PTGES3: variants seen among roughly 807,000 people sequenced by gnomAD.
PTGES3 encodes Hsp90 co-chaperone.
PTGES3 carries 5 observed loss-of-function variants against 29.9 expected under a neutral mutation model. That is an observed-to-expected ratio of 0.17 (90% confidence interval 0.09 to 0.35). PTGES3 has a LOEUF of 0.35. Among genes scored for constraint, PTGES3 ranks in the 10% least tolerant of loss-of-function variants. PTGES3 has a pLI of 1.00. For synonymous variants in PTGES3, 49 were observed against 57.8 expected (o/e 0.85, Z 0.69); for missense variants, 128 against 190.0 (o/e 0.67, Z 1.92).
Position 56,688,073 on chromosome 12 carries a change from T to C in PTGES3, c.-74A>G, listed in dbSNP as rs1952972426. 1 of 1,445,612 alleles carries C rather than the reference T, an allele frequency of 6.9e-7. No individual in the cohort carries two copies. The highest frequency in any genetic ancestry group is 9.1e-7 in the Non-Finnish European group (1 of 1,097,160). The allele number at this position is 1,445,612 out of a possible 1,614,324, so 89.5% of individuals were successfully genotyped here. A position where few individuals can be genotyped will look rare whatever the true frequency, so the allele number is the denominator to read the frequency against. Reference sequence around the variant, plus strand: ...CGGCGGCTGCTGCTAGGGAGTCGACTTCTCTCCGGTGGCGACTCCGCTTTT... The same window carrying C: ...CGGCGGCTGCTGCTAGGGAGTCGACCTCTCTCCGGTGGCGACTCCGCTTTT... On this transcript the variant is annotated 5_prime_UTR_variant, in exon 1 of 8. Coordinates refer to ENST00000262033, the MANE Select transcript of PTGES3 (RefSeq NM_006601.7).
intron 7 of PTGES3, 90 bp from the exon 8 acceptor site, chr12:56,664,588 A>T: frequency 6.9e-7 from 1 of 1,439,730 alleles, no homozygotes; most frequent in Non-Finnish European, 9.5e-7. Context: ...CAAAAATCGA[A>T]ATACATAGTT....
chr12:56,671,371 C>G (rs1951998679), intron 4 of PTGES3, among the ~76,000 whole-genome samples: 1 of 152,092 alleles, frequency 6.6e-6, no homozygotes. Flanking sequence ...TGCACTCCAG[C>G]CTGGGTGACA....
At position 56,670,262 on chromosome 12, in the gene PTGES3, T is replaced by A. The variant is rs752547963; in HGVS notation, c.375+13A>T. The A allele has an allele frequency of 6.3e-7, 1 of 1,581,924 alleles. No individual in the cohort carries two copies. The highest frequency in any genetic ancestry group is 8.7e-7 in the Non-Finnish European group (1 of 1,151,540). On this transcript the variant is annotated intron_variant, in intron 5 of 7. Transcript: ENST00000262033. Reference sequence around the variant, plus strand: ...TGCTTCGAATGGGGAGAGGTCCATTTAAAGGAACTTACCTCAGAGAAACGA... The same window carrying A: ...TGCTTCGAATGGGGAGAGGTCCATTAAAAGGAACTTACCTCAGAGAAACGA...
Position 56,688,223 on chromosome 12 carries a change from G to C in PTGES3, c.-224C>G. On this transcript the variant is annotated 5_prime_UTR_variant, in exon 1 of 8. Transcript: ENST00000262033. ...CTCCGGTCGGGGAGAAGAGGAAAGTGTAGGAAAAGGGGCGCGAGGACGGAG... is the reference window on the plus strand; with the variant it reads ...CTCCGGTCGGGGAGAAGAGGAAAGTCTAGGAAAAGGGGCGCGAGGACGGAG... The C allele has an allele frequency of 4.1e-6, 3 of 737,472 alleles. No homozygotes were observed. The highest frequency in any genetic ancestry group is 6.0e-6 in the Non-Finnish European group (3 of 503,854). The allele number at this position is 737,472 out of a possible 1,614,324, so 45.7% of individuals were successfully genotyped here.
At chr12:56,682,720 A>AT (rs1952603859) in intron 1 of PTGES3, among the ~76,000 whole-genome samples, 2 of 141,480 alleles carry the variant, frequency 1.4e-5, no homozygotes, top group Non-Finnish European at 3.0e-5. Flanking sequence ...TCCATTTAAA[A>AT]GAAAAAAAAA....
chr12:56,687,344 A>G, intron 1 of PTGES3: 2 of 988,422 alleles, frequency 2.0e-6, no homozygotes, highest in Non-Finnish European at 1.2e-6. Context: ...CCTCGCTGCC[A>G]GGGAAGCGGC....
chr12:56,666,256 T>C lies in PTGES3; in HGVS notation c.386A>G (p.Asn129Ser). 5 of 1,606,002 alleles carry C rather than the reference T, an allele frequency of 3.1e-6. No individual in the cohort carries two copies. The highest frequency in any genetic ancestry group is 4.3e-6 in the Non-Finnish European group (5 of 1,174,128). The change falls in exon 6 of 8, where the codon AAC becomes AGC. Residue 129 changes from asparagine to serine, a missense_variant. Transcript: ENST00000262033. ...NFDRFSEMMNNMGGDEDVDLP... is the reference protein window; with the variant it reads ...NFDRFSEMMNSMGGDEDVDLP... ...ATCTACATCCTCATCACCACCCATG[T>C]TGTTCATCATCTATTTGAAGTGTAA...
At chr12:56,686,977 G>GTT (rs1952894900) in intron 1 of PTGES3, 7 of 143,042 alleles carry the variant, frequency 4.9e-5, no homozygotes, top group Non-Finnish European at 9.1e-5. Context: ...TTAGGACGTA[G>GTT]TTAGTACCTT....
intron 6 of PTGES3, chr12:56,665,151 T>C (rs1951737744): frequency 1.0e-6 from 1 of 985,296 alleles, no homozygotes; most frequent in Non-Finnish European, 1.2e-6. Flanking sequence ...TCCTAGCTGT[T>C]GAGTGAATAT....
At chr12:56,671,532 AGTCT>A (rs1952006778) in intron 4 of PTGES3, among the ~76,000 whole-genome samples, 1 of 152,152 alleles carries the variant, frequency 6.6e-6, no homozygotes, top group African/African-American at 2.4e-5. Context: ...ATTTATGCAA[AGTCT>A]GTCTCTTAAG....
chr12:56,675,132 T>C (rs1592259416), intron 1 of PTGES3, among the ~76,000 whole-genome samples: 2 of 150,892 alleles, frequency 1.3e-5, no homozygotes, highest in African/African-American at 2.4e-5. Context: ...AAACCCCGTC[T>C]CTACTAAAAT....
intron 1 of PTGES3, among the ~76,000 whole-genome samples, chr12:56,677,156 C>T (rs542108151): frequency 6.6e-6 from 1 of 151,294 alleles, no homozygotes; most frequent in Non-Finnish European, 1.5e-5. Flanking sequence ...GGGAGAATTG[C>T]TTGAACATGA....
At chr12:56,686,529 C>T (rs1165622378) in intron 1 of PTGES3, among the ~76,000 whole-genome samples, 1 of 152,012 alleles carries the variant, frequency 6.6e-6, no homozygotes, top group African/African-American at 2.4e-5. Flanking sequence ...CATGTGCCAC[C>T]ACGCCCGGCT....
At chr12:56,684,317 C>A (rs764109879) in intron 1 of PTGES3, among the ~76,000 whole-genome samples, 6 of 152,054 alleles carry the variant, frequency 3.9e-5, no homozygotes, top group Non-Finnish European at 7.4e-5. Flanking sequence ...TTTCTACTGC[C>A]TTCTAGTTAA....
At chr12:56,671,367 C>G (rs1420975589) in intron 4 of PTGES3, among the ~76,000 whole-genome samples, 1 of 152,068 alleles carries the variant, frequency 6.6e-6, no homozygotes, top group Non-Finnish European at 1.5e-5. Flanking sequence ...CCACTGCACT[C>G]CAGCCTGGGT....
Position 56,688,209 on chromosome 12 carries a change from G to C in PTGES3, c.-210C>G. 1.1e-6 allele frequency: 1 copy of C among 889,932 alleles called. No homozygotes were observed. Among genetic ancestry groups the C allele is most frequent in the Non-Finnish European group, 1.6e-6 (1 of 634,620 alleles). The allele number at this position is 889,932 out of a possible 1,614,324, so 55.1% of individuals were successfully genotyped here. A position where few individuals can be genotyped will look rare whatever the true frequency, so the allele number is the denominator to read the frequency against. On this transcript the variant is annotated 5_prime_UTR_variant, in exon 1 of 8. Coordinates refer to ENST00000262033, the MANE Select transcript of PTGES3 (RefSeq NM_006601.7). ...GGAAAGAGCGGCTCCTCCGGTCGGG[G>C]AGAAGAGGAAAGTGTAGGAAAAGGG...
chr12:56,686,295 G>A (rs996589701), intron 1 of PTGES3, among the ~76,000 whole-genome samples: 1 of 152,246 alleles, frequency 6.6e-6, no homozygotes, highest in East Asian at 1.9e-4. Context: ...GAGTATGAAA[G>A]GTTAAGACTG....
intron 1 of PTGES3, chr12:56,686,865 T>G (rs947856859): frequency 1.6e-5 from 6 of 365,188 alleles, no homozygotes; most frequent in African/African-American, 1.1e-4. Context: ...CAAATCCTTA[T>G]TACTTTTCCA....
intron 3 of PTGES3, among the ~76,000 whole-genome samples, chr12:56,672,083 ATAAAGTT>A (rs2137623214): frequency 6.6e-6 from 1 of 152,294 alleles, no homozygotes; most frequent in South Asian, 2.1e-4. Context: ...CTGCACAACA[ATAAAGTT>A]TAAAGTTTAA....
Sources: gnomAD v4.1 joint callset for allele counts (sites outside exome capture counted in the v4.1 genomes callset) on GRCh38, gnomAD v4.1.1 for gene constraint, MANE v1.5 for transcripts, NCBI Gene and HGNC (gene_info 2026-07-23, HGNC 2026-07-21) for gene names.